GABRG2: variants seen among roughly 807,000 people sequenced by gnomAD.
GABRG2 encodes gamma-aminobutyric acid receptor subunit gamma-2.
A neutral mutation model predicts 56.4 loss-of-function variants in GABRG2; 16 were observed. The ratio of observed to expected loss-of-function variants is 0.28; its 90% CI spans 0.19 to 0.43. GABRG2 has a LOEUF of 0.43. GABRG2 is among the 20% of genes least tolerant of loss of function. GABRG2 has a pLI of 1.00. For synonymous variants in GABRG2, 208 were observed against 205.5 expected, an observed-to-expected ratio of 1.01 and a Z score of -0.10; for missense variants, 327 against 582.7, an observed-to-expected ratio of 0.56 and a Z score of 4.52.
In GABRG2 at chr5:162,081,777, T is replaced by A. The variant is rs576846137; in HGVS notation, c.108-12051T>A. Among the ~76,000 whole-genome samples the A allele has an allele frequency of 1.8e-4, 27 of 152,022 alleles. No homozygotes were observed. In the South Asian group the frequency reaches 5.6e-3, roughly 31 times the overall value. Reference sequence around the variant, plus strand: ...ACCACTCTAGCAAGTCCAAGTGTGGTGAGGATGTGAAGCAACTCGAACTAC... The same window carrying A: ...ACCACTCTAGCAAGTCCAAGTGTGGAGAGGATGTGAAGCAACTCGAACTAC... On this transcript the variant is annotated intron_variant, in intron 1 of 9. Coordinates refer to ENST00000639213, the MANE Select transcript of GABRG2 (RefSeq NM_198904.4).
At chr5:162,067,488 A>C (rs370241190), upstream of GABRG2, 15 of 420,612 alleles carry the variant, frequency 3.6e-5, no homozygotes, top group African/African-American at 2.7e-4. Context: ...CCTCATAGTT[A>C]ATCTGCGTGA....
At chr5:162,094,918 T>C (rs570509860) in intron 2 of GABRG2, among the ~76,000 whole-genome samples, 1 of 152,250 alleles carries the variant, frequency 6.6e-6, no homozygotes, top group South Asian at 2.1e-4. Context: ...ATATTATCTG[T>C]GGTATCACAG....
chr5:162,142,051 G>A (rs1273148014), intron 6 of GABRG2, 113 bp from the exon 7 acceptor site: 1 of 1,343,620 alleles, frequency 7.4e-7, no homozygotes, highest in Admixed American at 1.7e-5. Flanking sequence ...CATACCACTT[G>A]TAGAAAACTC....
Position 162,097,841 on chromosome 5 carries a change from A to G in GABRG2, c.531A>G (p.Arg177=), listed in dbSNP as rs1761113592. 6.2e-7 allele frequency: 1 copy of G among 1,613,190 alleles called. No individual in the cohort carries two copies. Among genetic ancestry groups the G allele is most frequent in the Middle Eastern group, 1.7e-4 (1 of 6,052 alleles). The stretch of plus-strand genomic sequence containing the variant: ...TGCTGAGAATTTGGAATGATGGTCG[A>G]GTGCTCTACACCCTAAGGTATTCTT... ...NRMLRIWNDG[R]VLYTLRLTID... The change falls in exon 4 of 10, where the codon CGA becomes CGG. Residue 177 remains arginine (R), a synonymous_variant. Transcript: ENST00000639213.
chr5:162,071,327 A>C, intron 1 of GABRG2, among the ~76,000 whole-genome samples: 1 of 151,516 alleles, frequency 6.6e-6, no homozygotes, highest in East Asian at 1.9e-4. Context: ...AGAGTAAATA[A>C]GAATAACTGA....
Position 162,151,731 on chromosome 5 carries a change from T to A in GABRG2, c.1130T>A (p.Leu377His). 1.2e-6 allele frequency: 2 copies of A among 1,611,598 alleles called. No homozygotes were observed. Among genetic ancestry groups the A allele is most frequent in the Non-Finnish European group, 1.7e-6 (2 of 1,178,664 alleles). The change falls in exon 9 of 10, where the codon CTT becomes CAT. Residue 377 changes from leucine to histidine, a missense_variant and splice_region_variant. Physicochemically the swap from Leu to His is moderately conservative, Grantham distance 99. Transcript: ENST00000639213. ...TCTTTTCTGTCTACAAACCCAAAGC[T>A]TCTTCGGATGTTTTCCTTCAAGGTA... ...KDKDKKKKNP[L>H]LRMFSFKAPT...
intron 6 of GABRG2, among the ~76,000 whole-genome samples, chr5:162,108,181 C>G (rs1761971812): frequency 6.6e-6 from 1 of 152,178 alleles, no homozygotes; most frequent in Non-Finnish European, 1.5e-5. Context: ...GACAGAAACT[C>G]AAGTGGTCTG....
At chr5:162,113,977 G>C (rs1762435371) in intron 6 of GABRG2, among the ~76,000 whole-genome samples, 1 of 152,112 alleles carries the variant, frequency 6.6e-6, no homozygotes, top group African/African-American at 2.4e-5. Flanking sequence ...ACTCCAAAGA[G>C]GTAAAGTCAG....
intron 6 of GABRG2, chr5:162,128,503 T>C (rs1763495173): frequency 6.6e-6 from 1 of 151,930 alleles, no homozygotes; most frequent in South Asian, 2.1e-4. Flanking sequence ...TCTCCTGACA[T>C]GTAGGAGGGA....
Position 162,153,324 on chromosome 5 carries a change from T to G in GABRG2, c.1384T>G (p.Cys462Gly). 6.2e-7 allele frequency: 1 copy of G among 1,614,062 alleles called. No homozygotes were observed. The highest frequency in any genetic ancestry group is 8.5e-7 in the Non-Finnish European group (1 of 1,179,940). Residue 462 changes from cysteine (C) to glycine (G), a missense_variant, in exon 10 of 10, where the codon TGC becomes GGC. By Grantham distance (159) the Cys-to-Gly change is radical. Around this residue, in one of 4 missense-constraint regions of GABRG2, gnomAD observed 108 missense variants for 144.2 expected, o/e 0.75. Transcript: ENST00000639213. ...TCGGATCTTCTTCCCCACTGCCTTC[T>G]GCCTGTTTAATCTGGTCTATTGGGT... is the stretch of plus-strand genomic sequence containing the variant. ...YARIFFPTAFCLFNLVYWVSY... is the reference protein window; with the variant it reads ...YARIFFPTAFGLFNLVYWVSY...
intron 6 of GABRG2, among the ~76,000 whole-genome samples, chr5:162,114,625 T>A (rs1762487137): frequency 6.6e-6 from 1 of 152,136 alleles, no homozygotes; most frequent in South Asian, 2.1e-4. Flanking sequence ...ATGCTAAAAC[T>A]ATGACTTAAC....
At chr5:162,123,871 T>A (rs1763140742) in intron 6 of GABRG2, among the ~76,000 whole-genome samples, 1 of 151,926 alleles carries the variant, frequency 6.6e-6, no homozygotes, top group South Asian at 2.1e-4. Context: ...AATGTTTTTG[T>A]TTGTGTGTGA....
intron 3 of GABRG2, 29 bp downstream of exon 3, chr5:162,095,591 GT>G: frequency 6.8e-7 from 1 of 1,462,290 alleles, no homozygotes; most frequent in Non-Finnish European, 9.6e-7. Context: ...TTCTTTGTCT[GT>G]TTTATTAGCA....
At position 162,151,718 on chromosome 5, in the gene GABRG2, A is replaced by G. The variant is rs1765386111; in HGVS notation, c.1129-12A>G. ...ACAAATGCAATTCTCTTTTCTGTCTACAAACCCAAAGCTTCTTCGGATGTT... is the reference window on the plus strand; with the variant it reads ...ACAAATGCAATTCTCTTTTCTGTCTGCAAACCCAAAGCTTCTTCGGATGTT... On this transcript the variant is annotated splice_polypyrimidine_tract_variant and intron_variant, in intron 8 of 9. Transcript: ENST00000639213. 6.2e-7 allele frequency: 1 copy of G among 1,608,236 alleles called. No individual in the cohort carries two copies. Among genetic ancestry groups the G allele is most frequent in the Non-Finnish European group, 8.5e-7 (1 of 1,177,110 alleles).
At chr5:162,130,455 G>C (rs942747246) in intron 6 of GABRG2, among the ~76,000 whole-genome samples, 2 of 151,846 alleles carry the variant, frequency 1.3e-5, no homozygotes, top group Non-Finnish European at 2.9e-5. Flanking sequence ...CTCTACCTCT[G>C]TGGAGCCTTT....
intron 6 of GABRG2, among the ~76,000 whole-genome samples, chr5:162,134,320 T>A (rs554852404): frequency 1.3e-5 from 2 of 149,916 alleles, no homozygotes; most frequent in African/African-American, 4.9e-5. Context: ...TTTCTAACTC[T>A]CTTTTTTGAA....
chr5:162,139,859 C>A lies in GABRG2; in HGVS notation c.770-2305C>A, dbSNP rs554266446. Among the ~76,000 whole-genome samples, 29 of 152,176 alleles carry A rather than the reference C, an allele frequency of 1.9e-4. No individual in the cohort carries two copies. In the South Asian group the frequency reaches 2.1e-3, roughly 11 times the overall value. Reference sequence around the variant, plus strand: ...TGAATATTATTATTTAAATGAAAAACCTTCCTTTATTACTTTGCTTTTCCT... The same window carrying A: ...TGAATATTATTATTTAAATGAAAAAACTTCCTTTATTACTTTGCTTTTCCT... On this transcript the variant is annotated intron_variant, in intron 6 of 9. Coordinates refer to ENST00000639213, the MANE Select transcript of GABRG2 (RefSeq NM_198904.4).
chr5:162,128,124 T>C (rs943088468), intron 6 of GABRG2, among the ~76,000 whole-genome samples: 23 of 152,050 alleles, frequency 1.5e-4, no homozygotes, highest in Non-Finnish European at 2.9e-5. Context: ...AACTCCTCTT[T>C]TCTTTTACCT....
intron 6 of GABRG2, among the ~76,000 whole-genome samples, chr5:162,106,520 T>C (rs1761840043): frequency 6.6e-6 from 1 of 152,214 alleles, no homozygotes; most frequent in African/African-American, 2.4e-5. Flanking sequence ...ATGCTATTCT[T>C]ATCTTCAAAG....
Sources: allele counts gnomAD v4.1 joint callset (sites outside exome capture counted in the v4.1 genomes callset), GRCh38; gene constraint gnomAD v4.1.1; regional missense constraint gnomAD v4.1.1; transcripts MANE v1.5; gene names NCBI Gene and HGNC (gene_info 2026-07-23, HGNC 2026-07-21).